Variants in PLXDC2 observed in about 807,000 individuals in gnomAD.
PLXDC2 encodes plexin domain containing 2.
PLXDC2 carries 40 observed loss-of-function variants against 68.9 expected under a neutral mutation model. That is an observed-to-expected ratio of 0.58 (90% confidence interval 0.45 to 0.76). The LOEUF (loss-of-function observed/expected upper bound fraction) is 0.76, where lower values mean the gene tolerates loss of function less well. PLXDC2 is among the 30% of genes least tolerant of loss of function. The probability of loss-of-function intolerance (pLI) is 0.00; values close to 1 mark genes in which losing one functional copy is unlikely to be tolerated. For missense variants in PLXDC2, 644 were observed against 661.9 expected (o/e 0.97, Z 0.30); for synonymous variants, 243 against 234.2 (o/e 1.04, Z -0.34).
chr10:20,150,625 G>A lies in PLXDC2; in HGVS notation c.783+2723G>A, dbSNP rs544134135. ...ACGTTTTGCAATGTTCATTTTCAAC[G>A]GTTTGAACCAACACTGGTCAAGTCT... On this transcript the variant is annotated intron_variant, in intron 6 of 13. Transcript: ENST00000377252. Among the ~76,000 whole-genome samples, 80 of 152,238 alleles carry A rather than the reference G, an allele frequency of 5.3e-4. 1 individual carries two copies. The highest frequency in any genetic ancestry group is 6.2e-4 in the South Asian group (3 of 4,822).
chr10:20,111,256 A>G (rs1833556810), intron 4 of PLXDC2, among the ~76,000 whole-genome samples: 1 of 152,128 alleles, frequency 6.6e-6, no homozygotes, highest in Admixed American at 6.5e-5. Flanking sequence ...ATTTTCTAGT[A>G]CTTTCACATC....
intron 1 of PLXDC2, among the ~76,000 whole-genome samples, chr10:19,906,331 G>A (rs182960180): frequency 1.2e-3 from 184 of 152,296 alleles, no homozygotes; most frequent in African/African-American, 4.1e-3. Flanking sequence ...GCCACAGTAC[G>A]CAGGGCCACG....
rs186714219 is a variant in PLXDC2, at chr10:20,060,145, G to A, written c.472-8025G>A. ...TCTCCTAGGCTCAAGCAATCCTCCT[G>A]CCTCAGCCTCCCCAGTAGCTGGGAT... On this transcript the variant is annotated intron_variant, in intron 3 of 13. Transcript: ENST00000377252. Among the ~76,000 whole-genome samples, 329 of 152,242 alleles carry A rather than the reference G, an allele frequency of 2.2e-3. 1 individual carries two copies. Among genetic ancestry groups the A allele is most frequent in the African/African-American group, 7.7e-3 (321 of 41,566 alleles).
chr10:19,957,235 A>G (rs1834084883), intron 1 of PLXDC2, among the ~76,000 whole-genome samples: 1 of 152,116 alleles, frequency 6.6e-6, no homozygotes. Flanking sequence ...AGAGTATACT[A>G]TTGATGTGTG....
At chr10:19,908,233 T>A (rs1375748834) in intron 1 of PLXDC2, among the ~76,000 whole-genome samples, 2 of 152,306 alleles carry the variant, frequency 1.3e-5, no homozygotes, top group East Asian at 3.9e-4. Context: ...CACTAATCAA[T>A]TTCTTATCAT....
intron 1 of PLXDC2, among the ~76,000 whole-genome samples, chr10:19,855,787 A>G (rs188417380): frequency 4.4e-4 from 67 of 152,332 alleles, no homozygotes; most frequent in African/African-American, 1.5e-3. Context: ...CAAGTATTCA[A>G]AAATTGTGTG....
At chr10:20,093,023 T>C (rs942354522) in intron 4 of PLXDC2, among the ~76,000 whole-genome samples, 11 of 152,162 alleles carry the variant, frequency 7.2e-5, no homozygotes, top group African/African-American at 2.4e-4. Flanking sequence ...AAAGAATAAA[T>C]GCATGTTGTT....
At chr10:19,869,164 A>C (rs1837484168) in intron 1 of PLXDC2, among the ~76,000 whole-genome samples, 1 of 152,100 alleles carries the variant, frequency 6.6e-6, no homozygotes, top group South Asian at 2.1e-4. Context: ...TGGGAGGCCA[A>C]GGTGGGTGGA....
rs1835147575 is a variant in PLXDC2 at position 20,217,075 on chromosome 10, AC to A, written c.1123-349del. On this transcript the variant is annotated intron_variant, in intron 10 of 13. Coordinates refer to ENST00000377252, the MANE Select transcript of PLXDC2 (RefSeq NM_032812.9). ...TATGTTTTAAACCTTATCTTTATGC[AC>A]CTGTTTTTCTTCTAGTATAAATTTT... Among the ~76,000 whole-genome samples the A allele has an allele frequency of 2.0e-5, 3 of 152,304 alleles. No homozygotes were observed. The South Asian group carries it at 6.2e-4, about 32-fold the overall frequency.
intron 13 of PLXDC2, among the ~76,000 whole-genome samples, chr10:20,275,326 AC>A (rs1373355623): frequency 3.9e-5 from 6 of 152,270 alleles, no homozygotes; most frequent in South Asian, 2.1e-4. Flanking sequence ...TGTGAGAAAC[AC>A]AGACCCCCTA....
At position 19,857,662 on chromosome 10, in the gene PLXDC2, C is replaced by T. The variant is rs191536067; in HGVS notation, c.112+40471C>T. ...CTGCACAGTTTGAAGAAGCAAATTGCATCATGGCGCAGAGTTCAAATAGGA... is the reference window on the plus strand; with the variant it reads ...CTGCACAGTTTGAAGAAGCAAATTGTATCATGGCGCAGAGTTCAAATAGGA... On this transcript the variant is annotated intron_variant, in intron 1 of 13. Transcript: ENST00000377252. 3.7e-3 allele frequency among the ~76,000 whole-genome samples: 557 copies of T among 152,268 alleles called. 4 individuals carry two copies. Among genetic ancestry groups the T allele is most frequent in the Non-Finnish European group, 5.8e-3 (394 of 68,020 alleles).
chr10:20,090,710 T>G, intron 4 of PLXDC2, among the ~76,000 whole-genome samples: 1 of 152,156 alleles, frequency 6.6e-6, no homozygotes, highest in East Asian at 1.9e-4. Context: ...CCATTAATGT[T>G]GTACACGACT....
intron 2 of PLXDC2, among the ~76,000 whole-genome samples, chr10:20,036,300 G>A (rs1835577290): frequency 6.6e-6 from 1 of 152,156 alleles, no homozygotes; most frequent in Non-Finnish European, 1.5e-5. Context: ...ATAAGAGGAG[G>A]AGAAGACTCC....
At chr10:20,049,601 C>A (rs1835857570) in intron 3 of PLXDC2, among the ~76,000 whole-genome samples, 2 of 151,984 alleles carry the variant, frequency 1.3e-5, no homozygotes, top group Admixed American at 1.3e-4. Context: ...AAGGCAATCT[C>A]ATTCACAATT....
At chr10:20,161,865 C>T (rs1287724346) in intron 6 of PLXDC2, among the ~76,000 whole-genome samples, 1 of 151,832 alleles carries the variant, frequency 6.6e-6, no homozygotes, top group African/African-American at 2.4e-5. Context: ...AACCTCCTCT[C>T]TACTAAAAAT....
At chr10:20,141,334 C>T (rs1834004550) in intron 4 of PLXDC2, among the ~76,000 whole-genome samples, 1 of 151,980 alleles carries the variant, frequency 6.6e-6, no homozygotes. Flanking sequence ...ATCATCAATG[C>T]TCTTACATTT....
At chr10:20,179,697 A>G (rs928588393) in intron 9 of PLXDC2, among the ~76,000 whole-genome samples, 4 of 152,118 alleles carry the variant, frequency 2.6e-5, no homozygotes, top group Non-Finnish European at 5.9e-5. Context: ...CAATTTTGAC[A>G]TTCGAAACAT....
chr10:20,266,921 A>C (rs960813772), intron 13 of PLXDC2, among the ~76,000 whole-genome samples: 3 of 152,196 alleles, frequency 2.0e-5, no homozygotes, highest in African/African-American at 7.2e-5. Context: ...ACTTCAATAA[A>C]CAAACAGCAT....
intron 12 of PLXDC2, among the ~76,000 whole-genome samples, chr10:20,236,730 T>A (rs1000057021): frequency 2.6e-5 from 4 of 152,066 alleles, no homozygotes; most frequent in Non-Finnish European, 5.9e-5. Context: ...AAAGACAGGG[T>A]CTTGCTCTGT....
Sources: gnomAD v4.1 joint callset for allele counts (sites outside exome capture counted in the v4.1 genomes callset) on GRCh38, gnomAD v4.1.1 for gene constraint, MANE v1.5 for transcripts, NCBI Gene and HGNC (gene_info 2026-07-23, HGNC 2026-07-21) for gene names.